The following SPATA24 variants were observed in gnomAD, a reference collection of about 807,000 sequenced individuals.
The protein encoded by SPATA24 is spermatogenesis-associated protein 24.
SPATA24 carries 21 observed loss-of-function variants against 28.9 expected under a neutral mutation model. The ratio of observed to expected loss-of-function variants is 0.73; its 90% CI spans 0.52 to 1.05. The LOEUF (loss-of-function observed/expected upper bound fraction) is 1.05, where lower values mean the gene tolerates loss of function less well. SPATA24 is among the 50% of genes least tolerant of loss of function. The pLI, the probability that SPATA24 is intolerant of heterozygous loss-of-function variation, is 0.00. For missense variants in SPATA24, 215 were observed against 242.9 expected (o/e 0.88, Z 0.76); for synonymous variants, 76 against 89.9 (o/e 0.85, Z 0.88).
At chr5:139,397,169 G>A (rs1265732865) in intron 4 of SPATA24, 26 bp from the exon 5 acceptor site, 1 of 1,534,034 alleles carries the variant, frequency 6.5e-7, no homozygotes, top group Non-Finnish European at 8.8e-7. Context: ...GCAGGGAGGA[G>A]GGGTGGTTCC....
At chr5:139,395,964 C>T (rs1758696765), downstream of SPATA24, among the ~76,000 whole-genome samples, 1 of 152,216 alleles carries the variant, frequency 6.6e-6, no homozygotes, top group Non-Finnish European at 1.5e-5. Flanking sequence ...GCCTTAGGAC[C>T]TGCCCTGGGG....
chr5:139,396,400 T>C, downstream of SPATA24: 1 of 985,448 alleles, frequency 1.0e-6, no homozygotes, highest in Non-Finnish European at 1.2e-6. Flanking sequence ...CAGGTGCAAA[T>C]GCAATTTGCA....
downstream of SPATA24, chr5:139,392,804 T>G: frequency 6.7e-7 from 1 of 1,496,282 alleles, no homozygotes; most frequent in Non-Finnish European, 8.9e-7. The surrounding 1 kb of genome is among the most constrained non-coding windows in gnomAD (Gnocchi z 5.8). Flanking sequence ...ACATCCCTGT[T>G]CTCTCCTCCA....
At chr5:139,392,953 G>T (rs895911645), downstream of SPATA24, 15 of 1,510,728 alleles carry the variant, frequency 9.9e-6, no homozygotes, top group South Asian at 1.3e-5. This position sits in a 1 kb window ranked among gnomAD's most constrained non-coding sequence, Gnocchi z 5.8. Flanking sequence ...GTTGGGCTGT[G>T]AGGCGTCCCG....
chr5:139,396,715 G>C, downstream of SPATA24: 8 of 1,549,224 alleles, frequency 5.2e-6, no homozygotes, highest in Non-Finnish European at 7.0e-6. Flanking sequence ...GAGGGAAGTA[G>C]CAGGGGCTAG....
chr5:139,393,832 G>C, downstream of SPATA24: 1 of 1,551,228 alleles, frequency 6.4e-7, no homozygotes, highest in Non-Finnish European at 8.7e-7. Context: ...CCGATCCCAC[G>C]GGGACAGGTT....
Position 139,402,164 on chromosome 5 carries a change from C to A in SPATA24, c.184-119G>T, listed in dbSNP as rs2152079536. 4 of 1,300,636 alleles carry A rather than the reference C, an allele frequency of 3.1e-6. No homozygotes were observed. The East Asian group carries it at 1.0e-4, about 33-fold the overall frequency. The allele number at this position is 1,300,636 out of a possible 1,614,324, so 80.6% of individuals were successfully genotyped here. On this transcript the variant is annotated intron_variant, in intron 2 of 5. Coordinates refer to ENST00000450845, the MANE Select transcript of SPATA24 (RefSeq NM_194296.2). The stretch of plus-strand genomic sequence containing the variant: ...AAGCCAGAGCACAGGGAGATTCTGG[C>A]CACCTTGCTACAGGGGCTGGAGGTT...
downstream of SPATA24, chr5:139,394,768 G>C: frequency 6.5e-7 from 1 of 1,532,156 alleles, no homozygotes; most frequent in South Asian, 1.2e-5. Context: ...CGACGGCAGC[G>C]TGCGCAGCTG....
intron 4 of SPATA24, among the ~76,000 whole-genome samples, chr5:139,398,374 C>T (rs1313152151): frequency 2.1e-5 from 3 of 145,950 alleles, no homozygotes; most frequent in African/African-American, 7.6e-5. Context: ...CCAGTCTGGG[C>T]AACATAGTGA....
At chr5:139,393,519 T>C (rs1344550826), downstream of SPATA24, 6 of 1,551,430 alleles carry the variant, frequency 3.9e-6, no homozygotes, top group Non-Finnish European at 5.2e-6. Context: ...TGGGATCCCA[T>C]GTCTCTTGGG....
At chr5:139,400,247 A>C (rs151160004) in intron 4 of SPATA24, among the ~76,000 whole-genome samples, 2 of 151,392 alleles carry the variant, frequency 1.3e-5, no homozygotes, top group Non-Finnish European at 2.9e-5. Flanking sequence ...GCTCTGGCCT[A>C]CTGGAGATCT....
chr5:139,394,954 G>A, downstream of SPATA24: 1 of 1,521,906 alleles, frequency 6.6e-7, no homozygotes, highest in Non-Finnish European at 8.8e-7. Context: ...AACGTCCGGG[G>A]GCTCCGGAGA....
chr5:139,399,242 G>T (rs1486255323), intron 4 of SPATA24, among the ~76,000 whole-genome samples: 1 of 148,340 alleles, frequency 6.7e-6, no homozygotes, highest in Non-Finnish European at 1.5e-5. Flanking sequence ...ACGTGAACCT[G>T]AGAGGCGGAG....
downstream of SPATA24, chr5:139,393,018 T>C (rs1385327897): frequency 1.3e-5 from 20 of 1,522,294 alleles, no homozygotes; most frequent in Non-Finnish European, 1.8e-5. Flanking sequence ...GCACCACCGG[T>C]AGAAAATCCT....
intron 4 of SPATA24, among the ~76,000 whole-genome samples, chr5:139,398,404 T>TAA (rs11434297): frequency 2.7e-3 from 379 of 142,766 alleles, no homozygotes; most frequent in East Asian, 0.012. Flanking sequence ...TCTACAAAAC[T>TAA]AAAAAAAAAA....
downstream of SPATA24, chr5:139,393,273 G>A: frequency 1.3e-6 from 2 of 1,549,826 alleles, no homozygotes; most frequent in Non-Finnish European, 1.7e-6. Context: ...AGACTTCCGG[G>A]CACTTATCCG....
At chr5:139,392,660 C>T (rs780631881), downstream of SPATA24, 394 of 1,395,526 alleles carry the variant, frequency 2.8e-4, no homozygotes, top group Admixed American at 4.0e-4. The surrounding 1 kb of genome is among the most constrained non-coding windows in gnomAD (Gnocchi z 5.8). Context: ...CTCGGGCTGG[C>T]TTGCATCTGA....
At chr5:139,394,717 C>T, downstream of SPATA24, 2 of 1,532,622 alleles carry the variant, frequency 1.3e-6, no homozygotes, top group Non-Finnish European at 1.7e-6. Context: ...GCCGGAGCAG[C>T]CGAACAGGGG....
In SPATA24 at chr5:139,398,905, T is replaced by A. The variant is rs1411805529; in HGVS notation, c.386-1762A>T. ...TGGGTGTGGTGGCACATGCCTGTAA[T>A]CCCAGCTACTTTGGAGGCTGTGGCA... On this transcript the variant is annotated intron_variant, in intron 4 of 5. Transcript: ENST00000450845. Among the ~76,000 whole-genome samples the A allele has an allele frequency of 1.8e-5, 2 of 112,884 alleles. 1 individual carries two copies. The highest frequency in any genetic ancestry group is 7.4e-4 in the East Asian group (2 of 2,698). The allele number at this position is 112,884 out of a possible 152,430, so 74.1% of individuals were successfully genotyped here.
Sources: gnomAD v4.1 joint callset for allele counts (sites outside exome capture counted in the v4.1 genomes callset) on GRCh38, gnomAD v4.1.1 for gene constraint, Gnocchi (gnomAD v3.1) non-coding constraint, MANE v1.5 for transcripts, NCBI Gene and HGNC (gene_info 2026-07-23, HGNC 2026-07-21) for gene names.